Variants in PDE4D observed in about 807,000 individuals in gnomAD.
PDE4D encodes 3',5'-cyclic-AMP phosphodiesterase 4D.
In PDE4D, 24 loss-of-function variants were observed where a neutral mutation model predicts 87.4. The ratio of observed to expected loss-of-function variants is 0.27; its 90% confidence interval spans 0.20 to 0.39. PDE4D has a LOEUF of 0.39. PDE4D is among the 10% of genes least tolerant of loss of function. The pLI is 1.00. For synonymous variants in PDE4D, 384 were observed against 383.2 expected (o/e 1.00, Z -0.02); for missense variants, 714 against 1,041.0 (o/e 0.69, Z 4.32).
At chr5:59,340,666 C>T (rs1468605010) in intron 1 of PDE4D, among the ~76,000 whole-genome samples, 1 of 152,126 alleles carries the variant, frequency 6.6e-6, no homozygotes, top group South Asian at 2.1e-4. Flanking sequence ...ACCATCTCCA[C>T]TCCCACACCC....
intron 3 of PDE4D, among the ~76,000 whole-genome samples, chr5:59,959,097 C>T (rs1211769065): frequency 1.1e-5 from 1 of 92,930 alleles, no homozygotes; most frequent in Non-Finnish European, 2.1e-5. Flanking sequence ...TAACAATAGA[C>T]ACACACACAC....
intron 1 of PDE4D, among the ~76,000 whole-genome samples, chr5:59,716,472 C>G (rs867000345): frequency 6.6e-6 from 1 of 152,128 alleles, no homozygotes; most frequent in African/African-American, 2.4e-5. Context: ...AACAGGTAAC[C>G]CTCATACACC....
At chr5:59,427,360 C>G (rs1207898249) in intron 1 of PDE4D, among the ~76,000 whole-genome samples, 2 of 149,554 alleles carry the variant, frequency 1.3e-5, no homozygotes, top group African/African-American at 4.9e-5. Flanking sequence ...AAAATATGTA[C>G]CATGCATTTT....
chr5:59,159,431 A>G (rs750132279), intron 5 of PDE4D, among the ~76,000 whole-genome samples: 4 of 152,066 alleles, frequency 2.6e-5, no homozygotes, highest in South Asian at 4.1e-4. Flanking sequence ...CCACACCTAG[A>G]CAGTTTCTTT....
rs541623931 is a variant in PDE4D at position 59,794,728 on chromosome 5, C to T, written c.455+98440G>A. ...GTTCATCAAGGCATTCAAAACAACT[C>T]TTTGTGACAACAGTTTAAAAAACAG... On this transcript the variant is annotated intron_variant, in intron 1 of 14. Coordinates refer to ENST00000340635, the MANE Select transcript of PDE4D (RefSeq NM_001104631.2). 3.9e-5 allele frequency among the ~76,000 whole-genome samples: 6 copies of T among 152,206 alleles called. No homozygotes were observed. The East Asian group carries it at 1.2e-3, about 29-fold the overall frequency.
At chr5:59,573,902 C>CT (rs1045363199) in intron 1 of PDE4D, among the ~76,000 whole-genome samples, 2 of 147,938 alleles carry the variant, frequency 1.4e-5, no homozygotes, top group Non-Finnish European at 3.0e-5. Flanking sequence ...GGAGGCTGAG[C>CT]TAGGAGAACC....
intron 5 of PDE4D, among the ~76,000 whole-genome samples, chr5:59,133,983 TTTGTTGTTG>T (rs71604780): frequency 1.4e-4 from 20 of 147,744 alleles, no homozygotes; most frequent in African/African-American, 3.3e-4. Flanking sequence ...AGCAACTAGT[TTTGTTGTTG>T]TTGTTGTTGT....
chr5:59,830,660 A>G (rs1741050304), intron 1 of PDE4D, among the ~76,000 whole-genome samples: 1 of 152,112 alleles, frequency 6.6e-6, no homozygotes, highest in African/African-American at 2.4e-5. Context: ...TTAACAAATC[A>G]GAATATTCCA....
intron 2 of PDE4D, among the ~76,000 whole-genome samples, chr5:60,159,212 G>A (rs956234990): frequency 6.6e-6 from 1 of 152,026 alleles, no homozygotes; most frequent in African/African-American, 2.4e-5. Flanking sequence ...AGGTCTTTAG[G>A]GGCAATAACA....
At chr5:59,570,725 CAAT>C (rs1419943311) in intron 1 of PDE4D, among the ~76,000 whole-genome samples, 44 of 151,714 alleles carry the variant, frequency 2.9e-4, no homozygotes, top group Admixed American at 2.8e-3. Context: ...TAAGCTAACT[CAAT>C]GATATTATCG....
intron 1 of PDE4D, among the ~76,000 whole-genome samples, chr5:59,392,042 T>G (rs419953): frequency 0.42 from 63,336 of 151,004 alleles, 13,593 homozygotes; most frequent in East Asian, 0.49. Flanking sequence ...AATTTTTGTC[T>G]GTTTCATTCA....
chr5:60,222,346 T>G (rs1478471148), intron 1 of PDE4D, among the ~76,000 whole-genome samples: 2 of 152,258 alleles, frequency 1.3e-5, no homozygotes, highest in East Asian at 3.9e-4. Flanking sequence ...ACTGGAGACC[T>G]GGCCAACATA....
At chr5:59,397,172 G>A (rs201725409) in intron 1 of PDE4D, among the ~76,000 whole-genome samples, 1,554 of 83,486 alleles carry the variant, frequency 0.019, 11 homozygotes, top group African/African-American at 0.024. Flanking sequence ...ACAGATCAAC[G>A]AGACAGAAAG....
At chr5:59,610,120 T>C (rs543692637) in intron 1 of PDE4D, among the ~76,000 whole-genome samples, 1 of 152,282 alleles carries the variant, frequency 6.6e-6, no homozygotes, top group African/African-American at 2.4e-5. Context: ...AAGAGACTAA[T>C]GAACATGGGT....
intron 1 of PDE4D, among the ~76,000 whole-genome samples, chr5:60,295,540 G>A (rs1321455056): frequency 1.3e-5 from 2 of 152,110 alleles, no homozygotes; most frequent in East Asian, 1.9e-4. Context: ...ATGGGAGGAG[G>A]TGCTGTCCCG....
intron 1 of PDE4D, among the ~76,000 whole-genome samples, chr5:59,244,451 CAT>C (rs10556090): frequency 0.36 from 54,327 of 148,894 alleles, 10,559 homozygotes; most frequent in African/African-American, 0.47. Flanking sequence ...TATACACACA[CAT>C]ATATATATAT....
intron 2 of PDE4D, among the ~76,000 whole-genome samples, chr5:60,098,003 A>T (rs1283225955): frequency 6.6e-6 from 1 of 151,898 alleles, no homozygotes; most frequent in African/African-American, 2.4e-5. Context: ...CTCTGAATCT[A>T]TCTCCAGCAC....
chr5:60,166,310 A>G (rs1782896294), intron 2 of PDE4D, among the ~76,000 whole-genome samples: 1 of 151,990 alleles, frequency 6.6e-6, no homozygotes, highest in Non-Finnish European at 1.5e-5. Context: ...TTAACAAGTT[A>G]TTTTTCCATT....
At chr5:60,261,897 T>C (rs1038456963) in intron 1 of PDE4D, among the ~76,000 whole-genome samples, 2 of 152,122 alleles carry the variant, frequency 1.3e-5, no homozygotes, top group East Asian at 1.9e-4. Flanking sequence ...CTGCATCATA[T>C]TGACCAGAGG....
Sources: gnomAD v4.1 joint callset for allele counts (sites outside exome capture counted in the v4.1 genomes callset) on GRCh38, gnomAD v4.1.1 for gene constraint, MANE v1.5 for transcripts, NCBI Gene and HGNC (gene_info 2026-07-23, HGNC 2026-07-21) for gene names.